The following KCNT2 variants were observed in gnomAD, a reference collection of about 807,000 sequenced individuals.
The protein encoded by KCNT2 is potassium channel subfamily T member 2.
KCNT2 carries 67 observed loss-of-function variants against 153.8 expected under a neutral mutation model. That is an observed-to-expected ratio of 0.44 (90% CI 0.36 to 0.53). KCNT2 has a LOEUF of 0.53. Ranked by LOEUF, KCNT2 falls within the 20% of genes least tolerant of loss-of-function variation. The pLI is 0.00. For missense variants in KCNT2, 975 were observed against 1,354.8 expected (o/e 0.72, Z 4.40); for synonymous variants, 500 against 458.8 (o/e 1.09, Z -1.15).
At chr1:196,358,877 A>G (rs1474399090) in intron 14 of KCNT2, among the ~76,000 whole-genome samples, 1 of 151,958 alleles carries the variant, frequency 6.6e-6, no homozygotes, top group African/African-American at 2.4e-5. Flanking sequence ...AGTACAAGAT[A>G]TAAGGACATT....
intron 8 of KCNT2, among the ~76,000 whole-genome samples, chr1:196,457,997 G>A (rs1407666165): frequency 6.6e-6 from 1 of 151,880 alleles, no homozygotes; most frequent in African/African-American, 2.4e-5. Context: ...AGCTCCCAGT[G>A]CAGATAACGC....
intron 14 of KCNT2, among the ~76,000 whole-genome samples, chr1:196,367,724 T>G (rs1394636111): frequency 6.6e-6 from 1 of 152,182 alleles, no homozygotes; most frequent in Non-Finnish European, 1.5e-5. Flanking sequence ...TAAACCACTC[T>G]TCCCTTGCCT....
At chr1:196,284,982 C>T (rs1034369040) in intron 23 of KCNT2, among the ~76,000 whole-genome samples, 1 of 152,128 alleles carries the variant, frequency 6.6e-6, no homozygotes, top group Non-Finnish European at 1.5e-5. Flanking sequence ...TTTCTTTCTT[C>T]TTAATGGAAA....
At chr1:196,255,598 G>A (rs1656414101) in intron 26 of KCNT2, among the ~76,000 whole-genome samples, 1 of 151,818 alleles carries the variant, frequency 6.6e-6, no homozygotes, top group African/African-American at 2.4e-5. Context: ...GGGTTTGAAG[G>A]AGCAGAGAAA....
intron 3 of KCNT2, among the ~76,000 whole-genome samples, chr1:196,485,731 G>T (rs1462985920): frequency 6.6e-6 from 1 of 151,650 alleles, no homozygotes; most frequent in Non-Finnish European, 1.5e-5. Context: ...CATTAAGTTG[G>T]ATAAATACAT....
chr1:196,352,956 T>A (rs1345813694), intron 14 of KCNT2, among the ~76,000 whole-genome samples: 1 of 152,128 alleles, frequency 6.6e-6, no homozygotes, highest in Non-Finnish European at 1.5e-5. Context: ...CATTTCTTTA[T>A]GTACCCAGTA....
intron 5 of KCNT2, among the ~76,000 whole-genome samples, chr1:196,469,885 A>T (rs1311921524): frequency 6.6e-6 from 1 of 152,190 alleles, no homozygotes; most frequent in Admixed American, 6.6e-5. Context: ...TTAGAAAGGC[A>T]ATTTGAAATC....
In KCNT2 at chr1:196,428,289, T is replaced by C; in HGVS notation, c.820-20A>G. The C allele has an allele frequency of 6.3e-7, 1 of 1,588,910 alleles. No homozygotes were observed. Among genetic ancestry groups the C allele is most frequent in the Non-Finnish European group, 8.6e-7 (1 of 1,159,732 alleles). ...TTCAAACTGTAATATATTTTCCACA[T>C]GTGAATGAAAAACACAGTAAGGAAA... On this transcript the variant is annotated intron_variant, in intron 9 of 27. Transcript: ENST00000294725.
At chr1:196,507,725 G>T (rs1364880459) in intron 1 of KCNT2, among the ~76,000 whole-genome samples, 1 of 152,010 alleles carries the variant, frequency 6.6e-6, no homozygotes, top group African/African-American at 2.4e-5. Context: ...TGAAAATTAT[G>T]CTATAACAGC....
chr1:196,532,880 C>G (rs1269202505), intron 1 of KCNT2, among the ~76,000 whole-genome samples: 1 of 152,028 alleles, frequency 6.6e-6, no homozygotes. Context: ...AACAAAGGAG[C>G]TCGGGCTGCT....
chr1:196,526,208 T>C (rs1028950095), intron 1 of KCNT2, among the ~76,000 whole-genome samples: 5 of 151,946 alleles, frequency 3.3e-5, no homozygotes, highest in African/African-American at 1.2e-4. Flanking sequence ...ACTTTACACA[T>C]ATAATTACAT....
At chr1:196,547,217 C>T (rs1657223838) in intron 1 of KCNT2, among the ~76,000 whole-genome samples, 1 of 151,826 alleles carries the variant, frequency 6.6e-6, no homozygotes, top group South Asian at 2.1e-4. Context: ...ACTCAGGATG[C>T]TCAGGGTGGG....
chr1:196,356,878 G>GA (rs879769498), intron 14 of KCNT2, among the ~76,000 whole-genome samples: 44 of 146,526 alleles, frequency 3.0e-4, no homozygotes, highest in Non-Finnish European at 3.9e-4. Flanking sequence ...AATTCAAAAG[G>GA]AAAAAAAAAA....
chr1:196,255,681 T>C (rs1332867790), intron 26 of KCNT2, among the ~76,000 whole-genome samples: 1 of 151,884 alleles, frequency 6.6e-6, no homozygotes, highest in Non-Finnish European at 1.5e-5. Context: ...TCATTTCAGG[T>C]AGTTTGGATC....
At chr1:196,468,901 T>C in intron 6 of KCNT2, 93 bp downstream of exon 6, 1 of 752,166 alleles carries the variant, frequency 1.3e-6, no homozygotes, top group South Asian at 1.7e-5. Context: ...TCCATTTATC[T>C]TAGCTACCAT....
chr1:196,526,855 A>T (rs972050129), intron 1 of KCNT2, among the ~76,000 whole-genome samples: 4 of 152,132 alleles, frequency 2.6e-5, no homozygotes, highest in Admixed American at 2.6e-4. Context: ...CATACTCCTC[A>T]GTGTGTTTAT....
At chr1:196,588,259 TTAAA>T (rs938070712) in intron 1 of KCNT2, among the ~76,000 whole-genome samples, 1 of 93,016 alleles carries the variant, frequency 1.1e-5, no homozygotes, top group Non-Finnish European at 2.7e-5. Context: ...TGAATGTGAA[TTAAA>T]TAGATGGGAA....
chr1:196,447,600 C>T (rs1452570504), intron 8 of KCNT2, among the ~76,000 whole-genome samples: 1 of 151,444 alleles, frequency 6.6e-6, no homozygotes. Context: ...AGTGACAGTG[C>T]AGAGCTGGAT....
intron 18 of KCNT2, among the ~76,000 whole-genome samples, chr1:196,329,817 G>GTA (rs919349900): frequency 7.0e-6 from 1 of 142,430 alleles, no homozygotes; most frequent in African/African-American, 2.6e-5. Flanking sequence ...GTGCATATAG[G>GTA]TATATATATG....
Sources: allele counts gnomAD v4.1 joint callset (sites outside exome capture counted in the v4.1 genomes callset), GRCh38; gene constraint gnomAD v4.1.1; transcripts MANE v1.5; gene names NCBI Gene and HGNC (gene_info 2026-07-23, HGNC 2026-07-21).